Variants in SUCLG2 observed in about 807,000 individuals in gnomAD.
The protein encoded by SUCLG2 is succinate-CoA ligase GDP-forming subunit beta.
SUCLG2 carries 42 observed loss-of-function variants against 47.9 expected under a neutral mutation model. The observed-to-expected ratio is 0.88, with a 90% CI of 0.69 to 1.14. The LOEUF is 1.14. SUCLG2 is among the 50% of genes most tolerant of loss of function. The probability of loss-of-function intolerance (pLI) is 0.00; values close to 1 mark genes in which losing one functional copy is unlikely to be tolerated. For synonymous variants in SUCLG2, 195 were observed against 197.3 expected (o/e 0.99, Z 0.10); for missense variants, 571 against 525.9 (o/e 1.09, Z -0.84).
chr3:67,370,881 T>C (rs534903261), downstream of SUCLG2, among the ~76,000 whole-genome samples: 10 of 152,168 alleles, frequency 6.6e-5, no homozygotes, highest in Non-Finnish European at 1.3e-4. Flanking sequence ...CAAGGCTATT[T>C]ATTTATTTAA....
intron 7 of SUCLG2, among the ~76,000 whole-genome samples, chr3:67,500,376 AG>A (rs1705464096): frequency 1.3e-5 from 2 of 152,374 alleles, no homozygotes; most frequent in African/African-American, 4.8e-5. Flanking sequence ...GTATATATAT[AG>A]ACCGCACATG....
intron 1 of SUCLG2, among the ~76,000 whole-genome samples, chr3:67,651,529 T>C (rs763772183): frequency 6.6e-6 from 1 of 152,210 alleles, no homozygotes; most frequent in Non-Finnish European, 1.5e-5. Flanking sequence ...TGTGTATGCC[T>C]ACATATAATT....
At chr3:67,605,199 A>C (rs1700387002) in intron 2 of SUCLG2, among the ~76,000 whole-genome samples, 1 of 152,226 alleles carries the variant, frequency 6.6e-6, no homozygotes, top group Non-Finnish European at 1.5e-5. Flanking sequence ...AATCAGGAAG[A>C]TGTGTGCATA....
intron 10 of SUCLG2, among the ~76,000 whole-genome samples, chr3:67,366,660 A>G (rs1457251138): frequency 6.6e-6 from 1 of 152,160 alleles, no homozygotes; most frequent in Admixed American, 6.5e-5. Flanking sequence ...AAGAACCTGA[A>G]GCTCACCAGC....
chr3:67,511,842 C>A lies in SUCLG2; in HGVS notation c.661-2939G>T, dbSNP rs560614008. On this transcript the variant is annotated intron_variant, in intron 6 of 10. Transcript: ENST00000307227. ...AATTTATAGGAAGAGTGTGAGTGTG[C>A]GTGTGTGGGGGGGTGTGTGTGTGTG... is the stretch of plus-strand genomic sequence containing the variant. 2.7e-5 allele frequency among the ~76,000 whole-genome samples: 4 copies of A among 150,192 alleles called. 1 individual carries two copies. The highest frequency in any genetic ancestry group is 5.0e-5 in the African/African-American group (2 of 40,094).
At chr3:67,557,545 G>A (rs1707194509) in intron 2 of SUCLG2, among the ~76,000 whole-genome samples, 1 of 152,136 alleles carries the variant, frequency 6.6e-6, no homozygotes, top group Admixed American at 6.6e-5. Flanking sequence ...TGAAGTTGCA[G>A]ACCTCATGTT....
intron 6 of SUCLG2, 28 bp downstream of exon 6, chr3:67,518,219 A>C (rs371341488): frequency 1.3e-5 from 20 of 1,570,536 alleles, no homozygotes; most frequent in Non-Finnish European, 1.5e-5. Flanking sequence ...AACAAGTCAG[A>C]CACACCATCC....
chr3:67,524,020 G>C (rs910001739), intron 4 of SUCLG2, among the ~76,000 whole-genome samples: 2 of 152,128 alleles, frequency 1.3e-5, no homozygotes, highest in African/African-American at 4.8e-5. Flanking sequence ...GACTCTTTAA[G>C]AAAATGTCAC....
intron 9 of SUCLG2, among the ~76,000 whole-genome samples, chr3:67,486,798 G>A (rs1284385459): frequency 1.3e-5 from 2 of 152,052 alleles, no homozygotes; most frequent in East Asian, 1.9e-4. Context: ...AAAAGGACAC[G>A]TTTTACAGTA....
At chr3:67,501,877 G>A (rs1705503565) in intron 7 of SUCLG2, among the ~76,000 whole-genome samples, 1 of 151,904 alleles carries the variant, frequency 6.6e-6, no homozygotes, top group Non-Finnish European at 1.5e-5. Context: ...CTATTCCTTT[G>A]TATCATTTAA....
intron 2 of SUCLG2, among the ~76,000 whole-genome samples, chr3:67,536,678 C>A (rs1159601133): frequency 6.6e-6 from 1 of 152,224 alleles, no homozygotes; most frequent in Non-Finnish European, 1.5e-5. Context: ...ACAGCCAATG[C>A]AGACTGAAAT....
chr3:67,498,438 G>C (rs1705409219), intron 7 of SUCLG2, 143 bp from the exon 8 acceptor site: 2 of 832,218 alleles, frequency 2.4e-6, no homozygotes, highest in Non-Finnish European at 3.6e-6. Context: ...GGCTGCTTTG[G>C]CTTTCTTGAC....
intron 10 of SUCLG2, among the ~76,000 whole-genome samples, chr3:67,386,087 C>CTTTA (rs990137880): frequency 2.0e-5 from 3 of 151,976 alleles, no homozygotes; most frequent in Admixed American, 6.6e-5. Context: ...GTAACAGACA[C>CTTTA]TTTATTTATT....
At position 67,520,506 on chromosome 3, in the gene SUCLG2, A is replaced by T; in HGVS notation, c.546T>A (p.Ala182=). ...QGGVDIEEVA[A]SNPELIFKEQ... ...CCTTAAAAATGAGCTCCGGGTTTGA[A>T]GCAGCCACCTCTTCAATGTCGACGC... Residue 182 remains alanine (A), a synonymous_variant, in exon 5 of 11, where the codon GCT becomes GCA. Transcript: ENST00000307227. 4 of 1,614,148 alleles carry T rather than the reference A, an allele frequency of 2.5e-6. No individual in the cohort carries two copies. Among genetic ancestry groups the T allele is most frequent in the Non-Finnish European group, 3.4e-6 (4 of 1,179,990 alleles).
intron 2 of SUCLG2, among the ~76,000 whole-genome samples, chr3:67,579,978 AAGG>A (rs1435139557): frequency 2.6e-5 from 4 of 152,194 alleles, no homozygotes; most frequent in Non-Finnish European, 4.4e-5. Context: ...CTTAAAAATC[AAGG>A]AGGTGAGTCA....
chr3:67,616,339 G>T (rs1006251840), intron 1 of SUCLG2, among the ~76,000 whole-genome samples: 1 of 152,088 alleles, frequency 6.6e-6, no homozygotes. Context: ...AAGACTAAAA[G>T]AAACCAGCAA....
intron 9 of SUCLG2, among the ~76,000 whole-genome samples, chr3:67,402,315 T>C (rs2106817657): frequency 6.6e-6 from 1 of 152,320 alleles, no homozygotes; most frequent in East Asian, 1.9e-4. Flanking sequence ...AGTGGGCAAG[T>C]AAGAAAACCT....
At chr3:67,589,270 A>T (rs2107273314) in intron 2 of SUCLG2, among the ~76,000 whole-genome samples, 1 of 152,302 alleles carries the variant, frequency 6.6e-6, no homozygotes, top group African/African-American at 2.4e-5. Context: ...TATTATTCAT[A>T]GCATTGCTAA....
In SUCLG2 at chr3:67,634,755, A is replaced by G. The variant is rs969703756; in HGVS notation, c.84+19748T>C. 4.1e-4 allele frequency among the ~76,000 whole-genome samples: 63 copies of G among 152,324 alleles called. 1 individual carries two copies. Among genetic ancestry groups the G allele is most frequent in the Non-Finnish European group, 2.9e-4 (20 of 68,020 alleles). ...GCCAGTAAACTTGACAGGGCACAGTATCATGAAAATGGTATTTTTCATATT... is the reference window on the plus strand; with the variant it reads ...GCCAGTAAACTTGACAGGGCACAGTGTCATGAAAATGGTATTTTTCATATT... On this transcript the variant is annotated intron_variant, in intron 1 of 10. Coordinates refer to ENST00000307227, the MANE Select transcript of SUCLG2 (RefSeq NM_003848.4).
Sources: allele counts gnomAD v4.1 joint callset (sites outside exome capture counted in the v4.1 genomes callset), GRCh38; gene constraint gnomAD v4.1.1; transcripts MANE v1.5; gene names NCBI Gene and HGNC (gene_info 2026-07-23, HGNC 2026-07-21).